TNFRSF11A: variants seen among roughly 807,000 people sequenced by gnomAD.
TNFRSF11A encodes tumor necrosis factor receptor superfamily member 11A.
A neutral mutation model predicts 55.7 loss-of-function variants in TNFRSF11A; 32 were observed. The ratio of observed to expected loss-of-function variants is 0.57; its 90% confidence interval spans 0.43 to 0.77. TNFRSF11A has a LOEUF of 0.77. TNFRSF11A is among the 30% of genes least tolerant of loss of function. The probability of loss-of-function intolerance (pLI) is 0.00; values close to 1 mark genes in which losing one functional copy is unlikely to be tolerated. For missense variants in TNFRSF11A, 753 were observed against 809.8 expected (o/e 0.93, Z 0.85); for synonymous variants, 311 against 331.0 (o/e 0.94, Z 0.65).
chr18:62,347,772 T>G (rs995546623), intron 1 of TNFRSF11A, among the ~76,000 whole-genome samples: 1 of 151,696 alleles, frequency 6.6e-6, no homozygotes, highest in African/African-American at 2.4e-5. Flanking sequence ...AATTAGGTGG[T>G]GCGTGGCTAT....
intron 5 of TNFRSF11A, among the ~76,000 whole-genome samples, chr18:62,359,158 G>A (rs1909487248): frequency 6.6e-6 from 1 of 152,148 alleles, no homozygotes; most frequent in African/African-American, 2.4e-5. Flanking sequence ...GTCAGAGGCA[G>A]GAGGTTTGCT....
intron 1 of TNFRSF11A, among the ~76,000 whole-genome samples, chr18:62,326,009 A>C (rs12456466): frequency 0.92 from 140,452 of 152,308 alleles, 64,880 homozygotes; most frequent in African/African-American, 0.97. Flanking sequence ...GCTGGACTTG[A>C]CCCTCGCAGA....
At chr18:62,327,013 G>A (rs2046085378) in intron 1 of TNFRSF11A, among the ~76,000 whole-genome samples, 2 of 149,180 alleles carry the variant, frequency 1.3e-5, no homozygotes, top group Admixed American at 6.7e-5. Flanking sequence ...AGGGGCTTCT[G>A]CAGGGTGCTG....
At position 62,385,154 on chromosome 18, in the gene TNFRSF11A, G is replaced by A; in HGVS notation, c.*120G>A. On this transcript the variant is annotated 3_prime_UTR_variant, in exon 10 of 10. Transcript: ENST00000586569. ...TCGGTACAGTCGAGGAAGACCACCCGGCATTCTCTGCCCACTTTGCCTTCC... is the reference window on the plus strand; with the variant it reads ...TCGGTACAGTCGAGGAAGACCACCCAGCATTCTCTGCCCACTTTGCCTTCC... The A allele has an allele frequency of 8.6e-7, 1 of 1,163,124 alleles. No homozygotes were observed. The highest frequency in any genetic ancestry group is 1.1e-6 in the Non-Finnish European group (1 of 892,384). The allele number at this position is 1,163,124 out of a possible 1,614,324, so 72.1% of individuals were successfully genotyped here. A position where few individuals can be genotyped will look rare whatever the true frequency, so the allele number is the denominator to read the frequency against.
intron 9 of TNFRSF11A, chr18:62,378,115 G>A (rs1195591249): frequency 6.6e-6 from 1 of 152,212 alleles, no homozygotes; most frequent in Non-Finnish European, 1.5e-5. Flanking sequence ...ACCTATTGAT[G>A]TCACCATCGC....
Position 62,386,671 on chromosome 18 carries a change from A to C in TNFRSF11A, c.*1637A>C, listed in dbSNP as rs376200143. The C allele has an allele frequency of 1.4e-4, 22 of 152,258 alleles. No individual in the cohort carries two copies. Among genetic ancestry groups the C allele is most frequent in the African/African-American group, 4.6e-4 (19 of 41,454 alleles). 9.4% of individuals were successfully genotyped at this position (152,258 alleles called of 1,614,324 possible). On this transcript the variant is annotated 3_prime_UTR_variant, in exon 10 of 10. Coordinates refer to ENST00000586569, the MANE Select transcript of TNFRSF11A (RefSeq NM_003839.4). ...AGTCACTGCCCAGACTTTACTGGCC[A>C]CAAATGCCCAGCTGAAGAGCATGAC... is the stretch of plus-strand genomic sequence containing the variant.
At position 62,388,211 on chromosome 18, in the gene TNFRSF11A, C is replaced by T. The variant is rs1018683512; in HGVS notation, c.*3177C>T. 5 of 152,258 alleles carry T rather than the reference C, an allele frequency of 3.3e-5. No individual in the cohort carries two copies. The highest frequency in any genetic ancestry group is 4.8e-5 in the African/African-American group (2 of 41,448). The allele number at this position is 152,258 out of a possible 1,614,324, so 9.4% of individuals were successfully genotyped here. A position where few individuals can be genotyped will look rare whatever the true frequency, so the allele number is the denominator to read the frequency against. On this transcript the variant is annotated 3_prime_UTR_variant, in exon 10 of 10. Coordinates refer to ENST00000586569, the MANE Select transcript of TNFRSF11A (RefSeq NM_003839.4). ...GTTTGCTTACCCATTTACAATGACC[C>T]GGCTAGTTGGCCGGGCCAGGCTGTG...
At chr18:62,376,004 A>G (rs117244158) in intron 9 of TNFRSF11A, among the ~76,000 whole-genome samples, 502 of 152,258 alleles carry the variant, frequency 3.3e-3, no homozygotes, top group Middle Eastern at 0.014. Context: ...GATTTCATTT[A>G]TTTACTGTGT....
intron 6 of TNFRSF11A, 100 bp downstream of exon 6, chr18:62,360,149 C>A: frequency 1.2e-6 from 1 of 847,834 alleles, no homozygotes; most frequent in Non-Finnish European, 2.0e-6. Context: ...GGCGTCCTCT[C>A]CCCCTTTATT....
At chr18:62,328,802 A>G (rs991819050) in intron 1 of TNFRSF11A, among the ~76,000 whole-genome samples, 1 of 152,196 alleles carries the variant, frequency 6.6e-6, no homozygotes, top group Admixed American at 6.5e-5. Flanking sequence ...AATATTTCAA[A>G]TGCCTCCCCT....
At chr18:62,367,788 CTTTTTTTTTTT>C (rs67721371) in intron 8 of TNFRSF11A, among the ~76,000 whole-genome samples, 2 of 78,670 alleles carry the variant, frequency 2.5e-5, no homozygotes, top group Non-Finnish European at 4.6e-5. Flanking sequence ...TCTTCTTCTT[CTTTTTTTTTTT>C]TTTTTTTTTT....
At chr18:62,331,259 C>G (rs4429388) in intron 1 of TNFRSF11A, among the ~76,000 whole-genome samples, 1 of 152,120 alleles carries the variant, frequency 6.6e-6, no homozygotes, top group East Asian at 1.9e-4. Flanking sequence ...GACACGGCAG[C>G]TGTCAGGACA....
chr18:62,376,527 A>G (rs533312563), intron 9 of TNFRSF11A, among the ~76,000 whole-genome samples: 21 of 152,250 alleles, frequency 1.4e-4, no homozygotes, highest in Admixed American at 9.2e-4. Context: ...GAGATTTCCT[A>G]TATACCTCCT....
chr18:62,327,508 AAAT>A (rs1220381311), intron 1 of TNFRSF11A, among the ~76,000 whole-genome samples: 2 of 152,254 alleles, frequency 1.3e-5, no homozygotes, highest in African/African-American at 4.8e-5. Context: ...TGCAGCCTTA[AAAT>A]AATATTTCCT....
rs576699375 is a variant in TNFRSF11A at position 62,389,769 on chromosome 18, A to G, written c.*4735A>G. 1 of 152,346 alleles carries G rather than the reference A, an allele frequency of 6.6e-6. No individual in the cohort carries two copies. The highest frequency in any genetic ancestry group is 2.4e-5 in the African/African-American group (1 of 41,570). 9.4% of individuals were successfully genotyped at this position (152,346 alleles called of 1,614,324 possible). A position where few individuals can be genotyped will look rare whatever the true frequency, so the allele number is the denominator to read the frequency against. On this transcript the variant is annotated 3_prime_UTR_variant, in exon 10 of 10. Transcript: ENST00000586569. ...GATTACCAGGAGTATAAAAGTTAAA[A>G]TGACAAAATTACAGGCCTGTTACCA...
intron 9 of TNFRSF11A, among the ~76,000 whole-genome samples, chr18:62,377,435 T>C (rs6567276): frequency 0.48 from 73,535 of 152,002 alleles, 18,185 homozygotes; most frequent in East Asian, 0.69. Flanking sequence ...ATATGATAAC[T>C]GTATGTTCAG....
intron 8 of TNFRSF11A, among the ~76,000 whole-genome samples, chr18:62,367,844 A>G (rs1311149572): frequency 8.7e-6 from 1 of 114,616 alleles, no homozygotes; most frequent in Non-Finnish European, 1.6e-5. Flanking sequence ...TCCAGGCTTG[A>G]GTGCAATGGC....
At chr18:62,362,625 T>C (rs1292051334) in intron 7 of TNFRSF11A, among the ~76,000 whole-genome samples, 1 of 152,160 alleles carries the variant, frequency 6.6e-6, no homozygotes, top group Non-Finnish European at 1.5e-5. Context: ...CACACAAATT[T>C]GTTAGTGTCT....
Position 62,386,251 on chromosome 18 carries a change from A to T in TNFRSF11A, c.*1217A>T, listed in dbSNP as rs1480152989. The T allele has an allele frequency of 5.9e-5, 9 of 152,170 alleles. No individual in the cohort carries two copies. The highest frequency in any genetic ancestry group is 1.9e-4 in the African/African-American group (8 of 41,386). The allele number at this position is 152,170 out of a possible 1,614,324, so 9.4% of individuals were successfully genotyped here. ...AGAAAGGGCCCGGGAAGTTCAAGGA[A>T]GAATAAAGTTGAAATTTTAATTTGC... is the stretch of plus-strand genomic sequence containing the variant. On this transcript the variant is annotated 3_prime_UTR_variant, in exon 10 of 10. Coordinates refer to ENST00000586569, the MANE Select transcript of TNFRSF11A (RefSeq NM_003839.4).
Sources: allele counts gnomAD v4.1 joint callset (sites outside exome capture counted in the v4.1 genomes callset), GRCh38; gene constraint gnomAD v4.1.1; transcripts MANE v1.5; gene names NCBI Gene and HGNC (gene_info 2026-07-23, HGNC 2026-07-21).